The following LCOR variants were observed in gnomAD, a reference collection of about 807,000 sequenced individuals.
The protein encoded by LCOR is ligand dependent nuclear receptor corepressor.
A neutral mutation model predicts 64.4 loss-of-function variants in LCOR; 14 were observed. That is an observed-to-expected ratio of 0.22 (90% CI 0.14 to 0.34). The LOEUF is 0.34. Ranked by LOEUF, LCOR falls within the 10% of genes least tolerant of loss-of-function variation. The probability of loss-of-function intolerance (pLI) is 1.00; values close to 1 mark genes in which losing one functional copy is unlikely to be tolerated. For missense variants in LCOR, 1,686 were observed against 1,765.3 expected (o/e 0.96, Z 0.80); for synonymous variants, 643 against 642.5 (o/e 1.00, Z -0.01).
chr10:96,982,454 C>A lies in LCOR; in HGVS notation c.1994C>A (p.Pro665His). ...TTGGATACGGAGGAGATGAGTGTACCCCAGGACTGTCACCTCCTTCCCTCC... is the reference window on the plus strand; with the variant it reads ...TTGGATACGGAGGAGATGAGTGTACACCAGGACTGTCACCTCCTTCCCTCC... ...ALLDTEEMSVPQDCHLLPSTE... is the reference protein window; with the variant it reads ...ALLDTEEMSVHQDCHLLPSTE... The change falls in exon 8 of 8, where the codon CCC becomes CAC. Residue 665 changes from proline (P) to histidine (H), a missense_variant. Coordinates refer to ENST00000421806, the MANE Select transcript of LCOR (RefSeq NM_001346516.2). The A allele has an allele frequency of 2.5e-6, 4 of 1,614,178 alleles. No individual in the cohort carries two copies. The highest frequency in any genetic ancestry group is 3.4e-6 in the Non-Finnish European group (4 of 1,180,020).
At chr10:96,956,438 A>C (rs1386714203) in intron 7 of LCOR, 4 of 985,074 alleles carry the variant, frequency 4.1e-6, no homozygotes, top group Non-Finnish European at 4.8e-6. Flanking sequence ...GAAAAAACTA[A>C]GAAGAACAAT....
intron 2 of LCOR, among the ~76,000 whole-genome samples, chr10:96,844,725 G>C (rs1034982706): frequency 2.2e-4 from 33 of 152,304 alleles, no homozygotes; most frequent in African/African-American, 7.9e-4. Flanking sequence ...TGAGATTGGA[G>C]CGTAGGCTTA....
At chr10:96,946,039 A>G (rs2134518055) in intron 5 of LCOR, among the ~76,000 whole-genome samples, 1 of 152,000 alleles carries the variant, frequency 6.6e-6, no homozygotes, top group East Asian at 1.9e-4. Context: ...TGAAATTGTA[A>G]GTTGAGTTTA....
At chr10:96,839,422 A>G (rs897980789) in intron 2 of LCOR, among the ~76,000 whole-genome samples, 1 of 152,206 alleles carries the variant, frequency 6.6e-6, no homozygotes, top group Non-Finnish European at 1.5e-5. Flanking sequence ...TCTCAAGAAA[A>G]GCCAGGTGCG....
rs532520787 is a variant in LCOR, at chr10:96,877,893, G to T, written c.-329-29372G>T. Among the ~76,000 whole-genome samples the T allele has an allele frequency of 2.4e-3, 362 of 152,300 alleles. 5 individuals carry two copies. The highest frequency in any genetic ancestry group is 7.9e-3 in the African/African-American group (329 of 41,550). ...CCCAAAGTGTTGGGATTACAGGCGT[G>T]AGCCACTGCGCCCGACCTGAAAATT... On this transcript the variant is annotated intron_variant, in intron 2 of 7. Coordinates refer to ENST00000421806, the MANE Select transcript of LCOR (RefSeq NM_001346516.2).
intron 2 of LCOR, among the ~76,000 whole-genome samples, chr10:96,903,756 G>A (rs1358352279): frequency 6.6e-6 from 1 of 152,074 alleles, no homozygotes; most frequent in Non-Finnish European, 1.5e-5. Context: ...AAATTTGTGG[G>A]AGATTTTAGT....
intron 7 of LCOR, among the ~76,000 whole-genome samples, chr10:96,965,005 T>A (rs1847933631): frequency 6.6e-6 from 1 of 151,942 alleles, no homozygotes; most frequent in African/African-American, 2.4e-5. Context: ...TGCTCAACAT[T>A]TAAAAAAAAT....
chr10:96,878,599 G>A (rs1482516989), intron 2 of LCOR, among the ~76,000 whole-genome samples: 2 of 152,122 alleles, frequency 1.3e-5, no homozygotes, highest in Admixed American at 6.5e-5. Flanking sequence ...AAAGAATTCA[G>A]TTTTGACTAC....
At chr10:96,839,288 T>TC (rs1375546169) in intron 2 of LCOR, among the ~76,000 whole-genome samples, 2 of 152,216 alleles carry the variant, frequency 1.3e-5, no homozygotes, top group African/African-American at 4.8e-5. Flanking sequence ...AGATATTTTT[T>TC]CTCATACTCC....
In LCOR at chr10:96,983,410, A is replaced by T; in HGVS notation, c.2950A>T (p.Thr984Ser). 1 of 1,614,230 alleles carries T rather than the reference A, an allele frequency of 6.2e-7. No homozygotes were observed. The highest frequency in any genetic ancestry group is 8.5e-7 in the Non-Finnish European group (1 of 1,180,044). Residue 984 changes from threonine (T) to serine (S), a missense_variant, in exon 8 of 8, where the codon ACA becomes TCA. By Grantham distance (58) the Thr-to-Ser change is moderately conservative (BLOSUM62 1). Transcript: ENST00000421806. The surrounding 1 kb of genome is among the most constrained non-coding windows in gnomAD (Gnocchi z 4.5). Reference sequence around the variant, plus strand: ...AAAAGAAGAGCCAGGGCATATTCCCACACAGCATGTGGAGGAGGCTGTGAA... The same window carrying T: ...AAAAGAAGAGCCAGGGCATATTCCCTCACAGCATGTGGAGGAGGCTGTGAA... ...QAKEEPGHIP[T>S]QHVEEAVNEV...
chr10:96,982,054 T>C lies in LCOR; in HGVS notation c.1594T>C (p.Ser532Pro). The change falls in exon 8 of 8, where the codon TCA becomes CCA. Residue 532 changes from serine (S) to proline (P), a missense_variant. This residue lies in a region of LCOR where 1,293 missense variants were observed against 1,410.4 expected (regional missense o/e 0.92). Transcript: ENST00000421806. Reference sequence around the variant, plus strand: ...ACACTCCCAGGAAAAAGCAAGCTGCTCAGCATTGGCATCAGAGGCAGTTTT... The same window carrying C: ...ACACTCCCAGGAAAAAGCAAGCTGCCCAGCATTGGCATCAGAGGCAGTTTT... ...NLHSQEKASC[S>P]ALASEAVFTP... 1.9e-6 allele frequency: 3 copies of C among 1,614,118 alleles called. No individual in the cohort carries two copies. Among genetic ancestry groups the C allele is most frequent in the Non-Finnish European group, 2.5e-6 (3 of 1,180,018 alleles).
intron 7 of LCOR, among the ~76,000 whole-genome samples, chr10:96,976,800 C>T (rs1223184867): frequency 1.3e-5 from 2 of 152,166 alleles, no homozygotes; most frequent in African/African-American, 4.8e-5. Context: ...GTCATTCAAC[C>T]CCAGGCATCT....
intron 4 of LCOR, among the ~76,000 whole-genome samples, chr10:96,936,899 TTAAAAC>T (rs1847360264): frequency 6.6e-6 from 1 of 152,174 alleles, no homozygotes; most frequent in Non-Finnish European, 1.5e-5. Context: ...CAATAAGAGA[TTAAAAC>T]TAATAATAAA....
chr10:96,955,284 CCTTTTCTTGCAGAAAA>C, intron 7 of LCOR: 1 of 1,614,104 alleles, frequency 6.2e-7, no homozygotes, highest in Non-Finnish European at 8.5e-7. Flanking sequence ...CAGTGACCTT[CCTTTTCTTGCAGAAAA>C]CTCTGCCTTT....
intron 7 of LCOR, among the ~76,000 whole-genome samples, chr10:96,972,282 C>G (rs931893282): frequency 6.6e-6 from 1 of 151,864 alleles, no homozygotes; most frequent in Non-Finnish European, 1.5e-5. Context: ...GCCTCTGAAC[C>G]CTCCCTTTTT....
Position 96,982,295 on chromosome 10 carries a change from C to T in LCOR, c.1835C>T (p.Thr612Ile). 2 of 1,614,212 alleles carry T rather than the reference C, an allele frequency of 1.2e-6. No individual in the cohort carries two copies. Among genetic ancestry groups the T allele is most frequent in the Non-Finnish European group, 1.7e-6 (2 of 1,180,022 alleles). Residue 612 changes from threonine to isoleucine, a missense_variant, in exon 8 of 8, where the codon ACA (threonine) becomes ATA (isoleucine). Thr to Ile is a moderately conservative substitution (Grantham distance 89). Around this residue, in one of 3 missense-constraint regions of LCOR, gnomAD observed 1,293 missense variants for 1,410.4 expected, o/e 0.92. Coordinates refer to ENST00000421806, the MANE Select transcript of LCOR (RefSeq NM_001346516.2). ...LSSSPRSEET[T>I]ASSLVWPLPA... ...AGCTCCCCTAGGTCAGAGGAAACGA[C>T]AGCCTCCAGCCTGGTGTGGCCTCTC...
chr10:96,842,353 C>T (rs567881456), intron 2 of LCOR, among the ~76,000 whole-genome samples: 1 of 152,086 alleles, frequency 6.6e-6, no homozygotes, highest in Non-Finnish European at 1.5e-5. Flanking sequence ...GAGATTGCGC[C>T]TCTGCACTCC....
intron 4 of LCOR, among the ~76,000 whole-genome samples, chr10:96,917,768 A>G (rs1309533027): frequency 6.6e-6 from 1 of 152,198 alleles, no homozygotes; most frequent in Non-Finnish European, 1.5e-5. Flanking sequence ...AGAATCTGGA[A>G]TAAAGAGTTG....
chr10:96,889,240 T>C lies in LCOR; in HGVS notation c.-329-18025T>C, dbSNP rs368948955. On this transcript the variant is annotated intron_variant, in intron 2 of 7. Coordinates refer to ENST00000421806, the MANE Select transcript of LCOR (RefSeq NM_001346516.2). ...TTCATATAAATGGAATCATACAATA[T>C]ATGGCCTTTTGTGTCTGGCTTTCAT... Among the ~76,000 whole-genome samples the C allele has an allele frequency of 7.2e-4, 110 of 152,358 alleles. 1 individual carries two copies. Among genetic ancestry groups the C allele is most frequent in the African/African-American group, 2.3e-3 (96 of 41,592 alleles).
Sources: gnomAD v4.1 joint callset for allele counts (sites outside exome capture counted in the v4.1 genomes callset) on GRCh38, gnomAD v4.1.1 for gene constraint, gnomAD v4.1.1 regional missense constraint, Gnocchi (gnomAD v3.1) non-coding constraint, MANE v1.5 for transcripts, NCBI Gene and HGNC (gene_info 2026-07-23, HGNC 2026-07-21) for gene names.